HYOU1: variants seen among roughly 807,000 people sequenced by gnomAD.
HYOU1 encodes hypoxia up-regulated protein 1.
In HYOU1, 40 loss-of-function variants were observed where a neutral mutation model predicts 120.5. The observed-to-expected ratio is 0.33, with a 90% CI of 0.26 to 0.43. The LOEUF (loss-of-function observed/expected upper bound fraction) is 0.43. HYOU1 is among the 20% of genes least tolerant of loss of function. The probability of loss-of-function intolerance (pLI) is 1.00; values close to 1 mark genes in which losing one functional copy is unlikely to be tolerated. For synonymous variants in HYOU1, 501 were observed against 479.4 expected, an observed-to-expected ratio of 1.05 and a Z score of -0.59; for missense variants, 1,085 against 1,278.3, an observed-to-expected ratio of 0.85 and a Z score of 2.31.
intron 24 of HYOU1, among the ~76,000 whole-genome samples, chr11:119,046,138 A>AT (rs2133547600): frequency 3.0e-4 from 45 of 150,576 alleles, no homozygotes; most frequent in Non-Finnish European, 5.2e-4. Context: ...TTTTTTTGGT[A>AT]TTTTTTTAGT....
chr11:119,054,727 G>A, intron 6 of HYOU1, 52 bp from the exon 7 acceptor site: 2 of 1,539,700 alleles, frequency 1.3e-6, no homozygotes, highest in East Asian at 2.3e-5. Context: ...TTAGATGAGG[G>A]CTTCTAATCT....
rs2133589223 is a variant in HYOU1 at position 119,051,964 on chromosome 11, C to A, written c.1206-13G>T. 32 of 1,614,000 alleles carry A rather than the reference C, an allele frequency of 2.0e-5. No homozygotes were observed. The African/African-American group carries it at 4.3e-4, about 22-fold the overall frequency. On this transcript the variant is annotated splice_polypyrimidine_tract_variant and intron_variant, in intron 11 of 25. Coordinates refer to ENST00000617285, the MANE Select transcript of HYOU1 (RefSeq NM_006389.5). This position sits in a 1 kb window ranked among gnomAD's most constrained non-coding sequence, Gnocchi z 4.2. The stretch of plus-strand genomic sequence containing the variant: ...CCCCAGCTCCTCCCTGGGAAAGCCC[C>A]AAGCCTCAGCACGGTCTACCCTGGA...
At chr11:119,046,171 GGC>G (rs1248871145) in intron 24 of HYOU1, among the ~76,000 whole-genome samples, 3 of 151,758 alleles carry the variant, frequency 2.0e-5, no homozygotes, top group Non-Finnish European at 4.4e-5. Context: ...TCACCATGTT[GGC>G]CAGGCTGGTC....
chr11:119,049,329 CTGCT>C, intron 16 of HYOU1, 126 bp from the exon 17 acceptor site: 1 of 1,556,864 alleles, frequency 6.4e-7, no homozygotes, highest in African/African-American at 1.4e-5. Flanking sequence ...GGTCAATGGC[CTGCT>C]TGGACTGTGG....
In HYOU1 at chr11:119,052,727, C is replaced by T; in HGVS notation, c.897G>A (p.Val299=). 1 of 1,614,236 alleles carries T rather than the reference C, an allele frequency of 6.2e-7. No homozygotes were observed. Among genetic ancestry groups the T allele is most frequent in the Non-Finnish European group, 8.5e-7 (1 of 1,180,038 alleles). Residue 299 remains valine (V), a synonymous_variant, in exon 9 of 26, where the codon GTG becomes GTA. Transcript: ENST00000617285. The surrounding 1 kb of genome is among the most constrained non-coding windows in gnomAD (Gnocchi z 5.0). ...TGGCCATGGCACGCGGGTTCTCCCG[C>T]ACATCCTTTGCTCTCTGACCCTTGC... is the stretch of plus-strand genomic sequence containing the variant. ...EQRKGQRAKD[V]RENPRAMAKL... is the part of the protein sequence containing the mutation.
At position 119,049,777 on chromosome 11, in the gene HYOU1, T is replaced by C; in HGVS notation, c.1726A>G (p.Lys576Glu). Residue 576 changes from lysine to glutamate, a missense_variant and splice_region_variant, in exon 15 of 26, where the codon AAA becomes GAA. Around this residue, in one of 4 missense-constraint regions of HYOU1, gnomAD observed 515 missense variants for 677.8 expected, o/e 0.76. Transcript: ENST00000617285. The part of the protein sequence containing the change: ...DSAEEESTLT[K>E]LGNTISSLFG... The stretch of plus-strand genomic sequence containing the variant: ...ATACACACATGCATGCTCATCTTAC[T>C]GGTGAGAGTAGATTCCTCTTCTGCG... The C allele has an allele frequency of 6.2e-7, 1 of 1,613,768 alleles. No homozygotes were observed. Among genetic ancestry groups the C allele is most frequent in the Non-Finnish European group, 8.5e-7 (1 of 1,179,640 alleles).
intron 23 of HYOU1, 34 bp from the exon 24 acceptor site, chr11:119,046,501 G>A: frequency 6.2e-7 from 1 of 1,614,088 alleles, no homozygotes; most frequent in East Asian, 2.2e-5. Context: ...CATAGCCTCA[G>A]GAAGGAAAGG....
Position 119,046,707 on chromosome 11 carries a change from G to A in HYOU1, c.2691C>T (p.Ala897=). 1 of 1,613,126 alleles carries A rather than the reference G, an allele frequency of 6.2e-7. No homozygotes were observed. The highest frequency in any genetic ancestry group is 8.5e-7 in the Non-Finnish European group (1 of 1,180,038). The change falls in exon 23 of 26, where the codon GCC becomes GCT. Residue 897 remains alanine, a synonymous_variant. Coordinates refer to ENST00000617285, the MANE Select transcript of HYOU1 (RefSeq NM_006389.5). ...LSKDIEAKMM[A]LDREVQYLLN... Reference sequence around the variant, plus strand: ...GCAGATACTGCACCTCTCGGTCCAGGGCCATCATCTTAGCTTCAATGTCTT... The same window carrying A: ...GCAGATACTGCACCTCTCGGTCCAGAGCCATCATCTTAGCTTCAATGTCTT...
In HYOU1 at chr11:119,044,952, C is replaced by T. The variant is rs1160765043; in HGVS notation, c.*641G>A. 3.9e-5 allele frequency: 13 copies of T among 336,600 alleles called. No homozygotes were observed. The highest frequency in any genetic ancestry group is 2.5e-4 in the South Asian group (11 of 44,220). 20.9% of individuals were successfully genotyped at this position (336,600 alleles called of 1,614,324 possible). On this transcript the variant is annotated 3_prime_UTR_variant, in exon 26 of 26. Coordinates refer to ENST00000617285, the MANE Select transcript of HYOU1 (RefSeq NM_006389.5). Reference sequence around the variant, plus strand: ...GTGAGAATCCTTCCAGATTTACTTCCGCCAATCCAGAGGTACAGGCTTTTA... The same window carrying T: ...GTGAGAATCCTTCCAGATTTACTTCTGCCAATCCAGAGGTACAGGCTTTTA...
At chr11:119,046,987 C>A (rs1235397973) in intron 22 of HYOU1, among the ~76,000 whole-genome samples, 185 bp from the exon 23 acceptor site, 4 of 152,232 alleles carry the variant, frequency 2.6e-5, no homozygotes, top group Admixed American at 2.6e-4. Context: ...ACAATGAAGT[C>A]CCAACCTGCA....
At chr11:119,050,902 T>A in intron 14 of HYOU1, 133 bp downstream of exon 14, 1 of 992,808 alleles carries the variant, frequency 1.0e-6, no homozygotes, top group Non-Finnish European at 1.5e-6. Context: ...TTAGCTCTGT[T>A]CAGAGCCAAC....
At position 119,055,429 on chromosome 11, in the gene HYOU1, A is replaced by G. The variant is rs1024386503; in HGVS notation, c.264+64T>C. 2.5e-6 allele frequency: 4 copies of G among 1,600,726 alleles called. No homozygotes were observed. Among genetic ancestry groups the G allele is most frequent in the Non-Finnish European group, 3.4e-6 (4 of 1,168,610 alleles). On this transcript the variant is annotated intron_variant, in intron 4 of 25. Coordinates refer to ENST00000617285, the MANE Select transcript of HYOU1 (RefSeq NM_006389.5). This position sits in a 1 kb window ranked among gnomAD's most constrained non-coding sequence, Gnocchi z 4.0. Reference sequence around the variant, plus strand: ...ATCACAGAGACTGATAAGGAAACAGACTCTGGGGGCTGCCATCTCCTCTCC... The same window carrying G: ...ATCACAGAGACTGATAAGGAAACAGGCTCTGGGGGCTGCCATCTCCTCTCC...
In HYOU1 at chr11:119,048,683, G is replaced by A. The variant is rs2133566352; in HGVS notation, c.2165+31C>T. 1.9e-6 allele frequency: 3 copies of A among 1,605,432 alleles called. No homozygotes were observed. The African/African-American group carries it at 4.0e-5, about 21-fold the overall frequency. ...CATCCTGCCCACCTTGCACACACAT[G>A]TACACACACACACCAGCTGTCCTCA... On this transcript the variant is annotated intron_variant, in intron 18 of 25. Coordinates refer to ENST00000617285, the MANE Select transcript of HYOU1 (RefSeq NM_006389.5). This position sits in a 1 kb window ranked among gnomAD's most constrained non-coding sequence, Gnocchi z 4.7.
chr11:119,048,400 C>A lies in HYOU1; in HGVS notation c.2254-30G>T, dbSNP rs2133563704. ...GGAGGGGGACATGTAAACACATGCA[C>A]CCACAAGCCCAGAGGCAAGGCCCAC... On this transcript the variant is annotated intron_variant, in intron 19 of 25. Transcript: ENST00000617285. This position sits in a 1 kb window ranked among gnomAD's most constrained non-coding sequence, Gnocchi z 4.7. 9,536 of 1,610,466 alleles carry A rather than the reference C, an allele frequency of 5.9e-3. 30 individuals carry two copies. Among genetic ancestry groups the A allele is most frequent in the Non-Finnish European group, 7.2e-3 (8,464 of 1,179,546 alleles).
At position 119,048,445 on chromosome 11, in the gene HYOU1, G is replaced by C; in HGVS notation, c.2253+31C>G. On this transcript the variant is annotated intron_variant, in intron 19 of 25. Coordinates refer to ENST00000617285, the MANE Select transcript of HYOU1 (RefSeq NM_006389.5). This position sits in a 1 kb window ranked among gnomAD's most constrained non-coding sequence, Gnocchi z 4.7. ...GCCCACAGAGCCAGGTGTAAGCCCA[G>C]TGGGGGGGCTGCTGCCTCCTGCCCA... 1.2e-6 allele frequency: 2 copies of C among 1,613,306 alleles called. No homozygotes were observed. The highest frequency in any genetic ancestry group is 8.5e-7 in the Non-Finnish European group (1 of 1,179,852).
In HYOU1 at chr11:119,045,387, C is replaced by G. The variant is rs188227849; in HGVS notation, c.*206G>C. The G allele has an allele frequency of 1.6e-5, 11 of 698,460 alleles. No homozygotes were observed. In the Admixed American group the frequency reaches 1.8e-4, roughly 11 times the overall value. 43.3% of individuals were successfully genotyped at this position (698,460 alleles called of 1,614,324 possible). A position where few individuals can be genotyped will look rare whatever the true frequency, so the allele number is the denominator to read the frequency against. ...CAGGGAGTGGGGCTGGGGAGGAGAA[C>G]AGTTTCCATTTTTAACCACAGAGGT... On this transcript the variant is annotated 3_prime_UTR_variant, in exon 26 of 26. Transcript: ENST00000617285.
In HYOU1 at chr11:119,054,926, A is replaced by G; in HGVS notation, c.496+58T>C. The G allele has an allele frequency of 3.9e-6, 6 of 1,542,904 alleles. No individual in the cohort carries two copies. The South Asian group carries it at 5.7e-5, about 15-fold the overall frequency. ...GGAGGCAAACTTGCCCCTGTTGGAG[A>G]ATCACTGCCCTAGATCCTGGGGAGC... On this transcript the variant is annotated intron_variant, in intron 6 of 25. Coordinates refer to ENST00000617285, the MANE Select transcript of HYOU1 (RefSeq NM_006389.5).
intron 1 of HYOU1, chr11:119,056,801 C>G (rs933298754): frequency 5.4e-6 from 1 of 184,300 alleles, no homozygotes. Context: ...CACCTAAACC[C>G]CACCTGACGA....
intron 16 of HYOU1, 165 bp downstream of exon 16, chr11:119,049,391 C>T (rs1449758527): frequency 1.3e-6 from 2 of 1,564,846 alleles, no homozygotes; most frequent in Non-Finnish European, 1.7e-6. Flanking sequence ...GGGAATGGGC[C>T]TTGGGAGCAC....
Sources: allele counts gnomAD v4.1 joint callset (sites outside exome capture counted in the v4.1 genomes callset), GRCh38; gene constraint gnomAD v4.1.1; regional missense constraint gnomAD v4.1.1; non-coding constraint Gnocchi (gnomAD v3.1); transcripts MANE v1.5; gene names NCBI Gene and HGNC (gene_info 2026-07-23, HGNC 2026-07-21).